Variants in MCM3AP observed in about 807,000 individuals in gnomAD.
MCM3AP encodes the protein minichromosome maintenance complex component 3 associated protein, also known as germinal-center associated nuclear protein.
In MCM3AP, 126 loss-of-function variants were observed where a neutral mutation model predicts 184.1. The observed-to-expected ratio is 0.68, with a 90% CI of 0.59 to 0.79. The LOEUF is 0.79. Among genes scored for constraint, MCM3AP ranks in the 30% least tolerant of loss-of-function variants. The pLI is 0.00. For synonymous variants in MCM3AP, 1,002 were observed against 979.3 expected, an observed-to-expected ratio of 1.02 and a Z score of -0.43; for missense variants, 2,496 against 2,479.2, an observed-to-expected ratio of 1.01 and a Z score of -0.14.
intron 8 of MCM3AP, among the ~76,000 whole-genome samples, chr21:46,272,076 T>C (rs1237821139): frequency 1.3e-5 from 2 of 152,000 alleles, no homozygotes. Context: ...ACTTCGCATG[T>C]AAGTGACTAA....
At chr21:46,255,448 G>C (rs766739864) in intron 17 of MCM3AP, among the ~76,000 whole-genome samples, 1 of 152,084 alleles carries the variant, frequency 6.6e-6, no homozygotes, top group Non-Finnish European at 1.5e-5. Flanking sequence ...CTGAGGACAC[G>C]ATTGGGGCCC....
At chr21:46,261,805 G>T (rs901512646) in intron 13 of MCM3AP, among the ~76,000 whole-genome samples, 6 of 149,684 alleles carry the variant, frequency 4.0e-5, no homozygotes, top group Non-Finnish European at 7.4e-5. Context: ...AAAACACACA[G>T]GTTGAGTGTC....
At chr21:46,262,689 C>T (rs1188887949) in intron 13 of MCM3AP, among the ~76,000 whole-genome samples, 2 of 151,964 alleles carry the variant, frequency 1.3e-5, no homozygotes, top group African/African-American at 4.8e-5. Context: ...AAAAGGAGGC[C>T]GGGCGCGGTG....
chr21:46,280,409 C>A, intron 3 of MCM3AP, 88 bp downstream of exon 3: 1 of 1,021,710 alleles, frequency 9.8e-7, no homozygotes, highest in South Asian at 1.5e-5. Context: ...ATCCCAAGAT[C>A]AGACTGGGCA....
At chr21:46,258,238 T>A (rs1242056462) in intron 16 of MCM3AP, among the ~76,000 whole-genome samples, 1 of 152,218 alleles carries the variant, frequency 6.6e-6, no homozygotes, top group African/African-American at 2.4e-5. Context: ...CCATACTCCC[T>A]TTTATACTGT....
rs567277514 is a variant in MCM3AP, at chr21:46,252,865, G to A, written c.4137-1183C>T. The A allele has an allele frequency of 9.2e-5, 14 of 152,304 alleles. No individual in the cohort carries two copies. In the East Asian group the frequency reaches 2.7e-3, roughly 29 times the overall value. 9.4% of individuals were successfully genotyped at this position (152,304 alleles called of 1,614,324 possible). Reference sequence around the variant, plus strand: ...CTATTTTAAAAATAAACTGTAAGCCGGGTGTGGTGGCTCACGCCTGTAATC... The same window carrying A: ...CTATTTTAAAAATAAACTGTAAGCCAGGTGTGGTGGCTCACGCCTGTAATC... On this transcript the variant is annotated intron_variant, in intron 19 of 27. Transcript: ENST00000291688.
chr21:46,265,356 G>A lies in MCM3AP; in HGVS notation c.3199C>T (p.Pro1067Ser). 6.2e-7 allele frequency: 1 copy of A among 1,614,064 alleles called. No homozygotes were observed. Among genetic ancestry groups the A allele is most frequent in the Non-Finnish European group, 8.5e-7 (1 of 1,180,026 alleles). The change falls in exon 12 of 28, where the codon CCG (proline) becomes TCG (serine). Residue 1067 changes from proline to serine, a missense_variant. Pro to Ser is a moderately conservative substitution (Grantham distance 74). This residue lies in a region of MCM3AP where 1,323 missense variants were observed against 1,273.4 expected (regional missense o/e 1.04). Transcript: ENST00000291688. ...LFQLSVQPEPPPPEPVPMYSD... is the reference protein window; with the variant it reads ...LFQLSVQPEPSPPEPVPMYSD... ...TACATGGGCACGGGCTCTGGAGGCG[G>A]TGGTTCAGGCTGCACAGACAGCTGG...
At chr21:46,246,511 C>T (rs2080772655) in intron 21 of MCM3AP, 107 bp from the exon 22 acceptor site, 4 of 1,463,184 alleles carry the variant, frequency 2.7e-6, no homozygotes, top group Admixed American at 1.7e-5. Flanking sequence ...ACAGTCACCA[C>T]AGGGGTTGCT....
In MCM3AP at chr21:46,242,380, A is replaced by AATAAATTTAT. The variant is rs879847238; in HGVS notation, c.5426+421_5426+422insATAAATTTAT. The AATAAATTTAT allele has an allele frequency of 7.8e-3, 1,186 of 153,006 alleles. 18 individuals carry two copies. Among genetic ancestry groups the AATAAATTTAT allele is most frequent in the African/African-American group, 0.027 (1,111 of 41,556 alleles). 9.5% of individuals were successfully genotyped at this position (153,006 alleles called of 1,614,324 possible). ...CCAAAATAAAGAAATTTTATCAGGA[A>AATAAATTTAT]CAGGTATAAATTTTAAGAAACGTAT... is the stretch of plus-strand genomic sequence containing the variant. On this transcript the variant is annotated intron_variant, in intron 25 of 27. Transcript: ENST00000291688.
At position 46,237,886 on chromosome 21, in the gene MCM3AP, G is replaced by C. The variant is rs1367077667; in HGVS notation, c.5634-907C>G. On this transcript the variant is annotated intron_variant, in intron 26 of 27. Transcript: ENST00000291688. ...AGGCCGAGGCGGGCAGATCACCTGA[G>C]GTCAGGAGTTCAAGATCAGCCTGAT... 1.7e-5 allele frequency among the ~76,000 whole-genome samples: 2 copies of C among 116,050 alleles called. 1 individual carries two copies. Among genetic ancestry groups the C allele is most frequent in the Non-Finnish European group, 3.6e-5 (2 of 55,410 alleles). The allele number at this position is 116,050 out of a possible 152,430, so 76.1% of individuals were successfully genotyped here.
chr21:46,267,291 C>G, intron 9 of MCM3AP, 149 bp from the exon 10 acceptor site: 1 of 685,002 alleles, frequency 1.5e-6, no homozygotes, highest in Non-Finnish European at 2.5e-6. Context: ...AACACGGAAC[C>G]CAAGCTTAGA....
intron 13 of MCM3AP, among the ~76,000 whole-genome samples, chr21:46,263,166 T>C (rs1442769568): frequency 3.3e-5 from 5 of 150,944 alleles, no homozygotes; most frequent in Non-Finnish European, 5.9e-5. Context: ...CTGTCTCTAC[T>C]AAAAATACAA....
Position 46,284,498 on chromosome 21 carries a change from G to A in MCM3AP, c.789C>T (p.Phe263=). The change falls in exon 1 of 28, where the codon TTC becomes TTT. Residue 263 remains phenylalanine, a synonymous_variant. Transcript: ENST00000291688. ...GCCTGACACCTGCTTTGCTAGCCTG[G>A]AAAGGTTCGCCCAAAACCGCAGATG... ...PVSSAVLGEP[F]QASKAGVRQG... The A allele has an allele frequency of 1.9e-6, 3 of 1,614,150 alleles. No homozygotes were observed. The highest frequency in any genetic ancestry group is 2.2e-5 in the South Asian group (2 of 91,086).
At position 46,267,035 on chromosome 21, in the gene MCM3AP, GTC is replaced by G; in HGVS notation, c.2734_2735del (p.Asp912LeufsTer2). ...DGVVRMLLFR[D>X]CEEATDFLTC... ...TGAGGAAGTCGGTGGCCTCTTCACAGTCTCTGAACAGCAGCATGCGCACCACA... is the reference window on the plus strand; with the variant it reads ...TGAGGAAGTCGGTGGCCTCTTCACAGTCTGAACAGCAGCATGCGCACCACA... On this transcript the variant is annotated frameshift_variant, in exon 10 of 28. Coordinates refer to ENST00000291688, the MANE Select transcript of MCM3AP (RefSeq NM_003906.5). LOFTEE classifies it high-confidence loss of function. The G allele has an allele frequency of 1.2e-6, 2 of 1,614,202 alleles. No individual in the cohort carries two copies. The highest frequency in any genetic ancestry group is 1.7e-6 in the Non-Finnish European group (2 of 1,180,038).
Position 46,273,550 on chromosome 21 carries a change from C to G in MCM3AP, c.2034G>C (p.Arg678=). 6.2e-7 allele frequency: 1 copy of G among 1,613,770 alleles called. No individual in the cohort carries two copies. The highest frequency in any genetic ancestry group is 8.5e-7 in the Non-Finnish European group (1 of 1,179,832). Residue 678 remains arginine (R), a synonymous_variant, in exon 7 of 28, where the codon CGG becomes CGC. Coordinates refer to ENST00000291688, the MANE Select transcript of MCM3AP (RefSeq NM_003906.5). ...GGGGCTCCTCCTGATCCGCCGAGGA[C>G]CGACTGTACTCTTTCACAGCTGCTG... ...DHAAAVKEYS[R]SSADQEEPLP... is the part of the protein sequence containing the mutation.
chr21:46,266,501 G>A (rs1342457364), intron 10 of MCM3AP: 2 of 256,100 alleles, frequency 7.8e-6, no homozygotes, highest in Non-Finnish European at 1.5e-5. Flanking sequence ...GCAGGAGGCA[G>A]GTGAGGAGTT....
chr21:46,244,367 C>G (rs936913938), intron 23 of MCM3AP, among the ~76,000 whole-genome samples: 1 of 152,224 alleles, frequency 6.6e-6, no homozygotes, highest in Non-Finnish European at 1.5e-5. Flanking sequence ...AGAAGAAGGC[C>G]TCTTTGACAA....
Position 46,283,738 on chromosome 21 carries a change from C to T in MCM3AP, c.1320G>A (p.Lys440=), listed in dbSNP as rs2081362499. The part of the protein sequence containing the change: ...SPSEVTAIQC[K]NIPDYLNDRT... The stretch of plus-strand genomic sequence containing the variant: ...TGTCGTTGAGGTAGTCAGGGATGTT[C>T]TTGCACTGGATGGCTGTGACTTCAG... Residue 440 remains lysine, a synonymous_variant, in exon 2 of 28, where the codon AAG becomes AAA. Transcript: ENST00000291688. 1 of 1,614,054 alleles carries T rather than the reference C, an allele frequency of 6.2e-7. No individual in the cohort carries two copies. The highest frequency in any genetic ancestry group is 2.2e-5 in the East Asian group (1 of 44,892).
chr21:46,240,668 T>C (rs984723452), intron 26 of MCM3AP, 143 bp downstream of exon 26: 2 of 700,628 alleles, frequency 2.9e-6, no homozygotes, highest in African/African-American at 3.5e-5. Flanking sequence ...AGCTTTTAAA[T>C]AGTTACATCA....
Sources: gnomAD v4.1 joint callset for allele counts (sites outside exome capture counted in the v4.1 genomes callset) on GRCh38, gnomAD v4.1.1 for gene constraint, gnomAD v4.1.1 regional missense constraint, MANE v1.5 for transcripts, NCBI Gene and HGNC (gene_info 2026-07-23, HGNC 2026-07-21) for gene names.